PHF14: variants seen among roughly 807,000 people sequenced by gnomAD.
The protein encoded by PHF14 is PHD finger protein 14.
A neutral mutation model predicts 117.9 loss-of-function variants in PHF14; 55 were observed. The observed-to-expected ratio is 0.47, with a 90% CI of 0.38 to 0.58. PHF14 has a LOEUF of 0.58. Ranked by LOEUF, PHF14 falls within the 20% of genes least tolerant of loss-of-function variation. The pLI, the probability that PHF14 is intolerant of heterozygous loss-of-function variation, is 0.00. For missense variants in PHF14, 978 were observed against 1,122.2 expected (o/e 0.87, Z 1.84); for synonymous variants, 409 against 368.6 (o/e 1.11, Z -1.26).
chr7:11,050,109 C>G (rs1029587461), intron 13 of PHF14, among the ~76,000 whole-genome samples: 11 of 152,038 alleles, frequency 7.2e-5, no homozygotes, highest in Non-Finnish European at 1.3e-4. Flanking sequence ...ACAAATGGTA[C>G]TTGGTATTTA....
intron 17 of PHF14, among the ~76,000 whole-genome samples, chr7:11,131,667 G>A (rs74436980): frequency 0.014 from 2,160 of 151,614 alleles, 44 homozygotes; most frequent in African/African-American, 0.05. Flanking sequence ...TTTCTCTTAT[G>A]GATTATATTT....
At chr7:11,162,507 C>T (rs1309269459) in intron 17 of PHF14, among the ~76,000 whole-genome samples, 1 of 152,030 alleles carries the variant, frequency 6.6e-6, no homozygotes, top group East Asian at 1.9e-4. Context: ...CTAACTCATA[C>T]TTATCATCCA....
chr7:11,091,235 G>C (rs1327380993), intron 16 of PHF14, among the ~76,000 whole-genome samples: 1 of 152,110 alleles, frequency 6.6e-6, no homozygotes. Flanking sequence ...GGTTGTAGCA[G>C]ATAATTAATG....
At chr7:11,122,432 TATATATATACGTATATATATATATTG>T in intron 17 of PHF14, among the ~76,000 whole-genome samples, 4 of 124,708 alleles carry the variant, frequency 3.2e-5, no homozygotes, top group Non-Finnish European at 6.9e-5. Flanking sequence ...TATACACGTA[TATATATATACGTATATATATATATTG>T]TGTGTGTGTG....
chr7:11,132,916 T>G (rs1357488836), intron 17 of PHF14, among the ~76,000 whole-genome samples: 1 of 151,848 alleles, frequency 6.6e-6, no homozygotes, highest in African/African-American at 2.4e-5. Context: ...TGGAGAAATG[T>G]CTATTCAAGT....
At chr7:11,095,424 G>T (rs1176685365) in intron 16 of PHF14, among the ~76,000 whole-genome samples, 1 of 152,126 alleles carries the variant, frequency 6.6e-6, no homozygotes, top group African/African-American at 2.4e-5. Context: ...TTGCTCTGAG[G>T]ATATGATGGG....
chr7:11,040,651 T>C lies in PHF14; in HGVS notation c.2077-21T>C, dbSNP rs1016217201. Reference sequence around the variant, plus strand: ...ATTTCTTTCTTAAAACAATATATACTACATTTGTTCAAATCAATAGAAGTT... The same window carrying C: ...ATTTCTTTCTTAAAACAATATATACCACATTTGTTCAAATCAATAGAAGTT... On this transcript the variant is annotated intron_variant, in intron 11 of 17. Coordinates refer to ENST00000634607, the MANE Select transcript of PHF14 (RefSeq NM_001007157.2). 5 of 1,306,828 alleles carry C rather than the reference T, an allele frequency of 3.8e-6. No individual in the cohort carries two copies. The African/African-American group carries it at 7.5e-5, about 20-fold the overall frequency. 81.0% of individuals were successfully genotyped at this position (1,306,828 alleles called of 1,614,324 possible).
At chr7:11,168,472 C>T (rs1013009362) in intron 17 of PHF14, among the ~76,000 whole-genome samples, 3 of 152,132 alleles carry the variant, frequency 2.0e-5, no homozygotes, top group African/African-American at 7.2e-5. Context: ...TAGAGTTCAA[C>T]AATTATTTAA....
intron 17 of PHF14, among the ~76,000 whole-genome samples, chr7:11,120,080 C>T (rs1394349205): frequency 1.3e-5 from 2 of 151,750 alleles, no homozygotes; most frequent in African/African-American, 4.8e-5. Flanking sequence ...ATTAAATTGG[C>T]GGAGTTCTTA....
intron 16 of PHF14, chr7:11,106,974 C>G: frequency 3.1e-6 from 3 of 982,784 alleles, no homozygotes; most frequent in Non-Finnish European, 3.6e-6. Context: ...AAATGTACAT[C>G]CTTGTTCAAG....
At chr7:11,063,096 C>T in intron 16 of PHF14, 3 of 912,358 alleles carry the variant, frequency 3.3e-6, no homozygotes, top group Non-Finnish European at 3.9e-6. Flanking sequence ...CAAAGAAAGG[C>T]ATGAAGTCTT....
chr7:11,005,787 CTTTTTTTTTTTT>C (rs951270672), intron 4 of PHF14, among the ~76,000 whole-genome samples: 1 of 84,448 alleles, frequency 1.2e-5, no homozygotes, highest in African/African-American at 4.8e-5. Context: ...AGTAAAAATT[CTTTTTTTTTTTT>C]TTTTTTTTTT....
intron 10 of PHF14, among the ~76,000 whole-genome samples, 192 bp downstream of exon 10, chr7:11,037,283 A>G (rs1400506562): frequency 1.3e-5 from 2 of 152,206 alleles, no homozygotes; most frequent in African/African-American, 2.4e-5. Flanking sequence ...TGTGCCAGGC[A>G]TAATTTTGAT....
At chr7:11,025,035 A>G (rs1783861223) in intron 6 of PHF14, among the ~76,000 whole-genome samples, 1 of 152,214 alleles carries the variant, frequency 6.6e-6, no homozygotes, top group African/African-American at 2.4e-5. Context: ...GAGGAGGTCA[A>G]AATATCCATA....
chr7:11,104,287 T>C (rs1787183931), intron 16 of PHF14: 1 of 984,124 alleles, frequency 1.0e-6, no homozygotes, highest in African/African-American at 1.7e-5. Context: ...CTTTGTCACA[T>C]GTTATACATA....
Position 11,014,251 on chromosome 7 carries a change from A to G in PHF14, c.1205+345A>G, listed in dbSNP as rs536692967. Reference sequence around the variant, plus strand: ...AAGACCACAAACTGGTGAATGGTCAATTTTGAACCTAGATCTGTATAACTT... The same window carrying G: ...AAGACCACAAACTGGTGAATGGTCAGTTTTGAACCTAGATCTGTATAACTT... On this transcript the variant is annotated intron_variant, in intron 5 of 17. Coordinates refer to ENST00000634607, the MANE Select transcript of PHF14 (RefSeq NM_001007157.2). Among the ~76,000 whole-genome samples the G allele has an allele frequency of 1.1e-4, 16 of 152,330 alleles. No individual in the cohort carries two copies. The East Asian group carries it at 1.9e-3, about 18-fold the overall frequency.
Position 11,036,404 on chromosome 7 carries a change from C to A in PHF14, c.1603-14C>A. ...TTTATTATCTTTTAAAATTTGAATA[C>A]ATTTCTTTTATAGGCAAGGATCAAT... On this transcript the variant is annotated splice_polypyrimidine_tract_variant and intron_variant, in intron 8 of 17. Coordinates refer to ENST00000634607, the MANE Select transcript of PHF14 (RefSeq NM_001007157.2). 1 of 1,574,808 alleles carries A rather than the reference C, an allele frequency of 6.3e-7. No homozygotes were observed. Among genetic ancestry groups the A allele is most frequent in the Non-Finnish European group, 8.7e-7 (1 of 1,155,740 alleles).
intron 17 of PHF14, among the ~76,000 whole-genome samples, chr7:11,124,723 T>A (rs1176927225): frequency 6.6e-6 from 1 of 152,130 alleles, no homozygotes; most frequent in Non-Finnish European, 1.5e-5. Context: ...GCCTGTGTTT[T>A]AGAAACTAGA....
At position 11,042,701 on chromosome 7, in the gene PHF14, G is replaced by T; in HGVS notation, c.2199G>T (p.Lys733Asn). 1 of 1,585,072 alleles carries T rather than the reference G, an allele frequency of 6.3e-7. No homozygotes were observed. Among genetic ancestry groups the T allele is most frequent in the South Asian group, 1.2e-5 (1 of 86,088 alleles). The change falls in exon 13 of 18, where the codon AAG becomes AAT. Residue 733 changes from lysine to asparagine, a missense_variant. Coordinates refer to ENST00000634607, the MANE Select transcript of PHF14 (RefSeq NM_001007157.2). ...TTAAAAGTTGTGGGATTTGTAAGAA[G>T]AACCATGATCAGCATCTTCTTTTAT... ...AVLYSCGICKKNHDQHLLLLC... is the reference protein window; with the variant it reads ...AVLYSCGICKNNHDQHLLLLC...
Sources: gnomAD v4.1 joint callset for allele counts (sites outside exome capture counted in the v4.1 genomes callset) on GRCh38, gnomAD v4.1.1 for gene constraint, MANE v1.5 for transcripts, NCBI Gene and HGNC (gene_info 2026-07-23, HGNC 2026-07-21) for gene names.